RAB6B: variants seen among roughly 807,000 people sequenced by gnomAD.
RAB6B encodes RAB6B, member RAS oncogene family.
RAB6B carries 7 observed loss-of-function variants against 31.2 expected under a neutral mutation model. The observed-to-expected ratio is 0.22, with a 90% CI of 0.13 to 0.42. RAB6B has a LOEUF of 0.42. Ranked by LOEUF, RAB6B falls within the 10% of genes least tolerant of loss-of-function variation. RAB6B has a pLI of 1.00. For missense variants in RAB6B, 149 were observed against 280.6 expected (o/e 0.53, Z 3.35); for synonymous variants, 105 against 104.9 (o/e 1.00, Z -0.01).
chr3:133,833,641 GC>G (rs920353985), intron 7 of RAB6B, among the ~76,000 whole-genome samples: 2 of 152,180 alleles, frequency 1.3e-5, no homozygotes, highest in African/African-American at 4.8e-5. Flanking sequence ...GCCCAAAGGT[GC>G]CCTTCCATCT....
At chr3:133,863,699 CT>C (rs943603961) in intron 2 of RAB6B, among the ~76,000 whole-genome samples, 2 of 152,136 alleles carry the variant, frequency 1.3e-5, no homozygotes, top group Admixed American at 6.5e-5. Flanking sequence ...CCTACCTCAA[CT>C]TTTTTTCAAG....
chr3:133,873,064 C>T (rs1936348000), intron 1 of RAB6B, among the ~76,000 whole-genome samples: 1 of 152,224 alleles, frequency 6.6e-6, no homozygotes, highest in Non-Finnish European at 1.5e-5. Flanking sequence ...ATCCTGCACC[C>T]ACCCCATCTC....
chr3:133,857,019 G>T (rs1936089935), intron 2 of RAB6B, among the ~76,000 whole-genome samples: 1 of 151,980 alleles, frequency 6.6e-6, no homozygotes, highest in African/African-American at 2.4e-5. Context: ...AGTCTATGGG[G>T]TTGAGCATCA....
At chr3:133,866,696 G>A (rs1936241217) in intron 1 of RAB6B, among the ~76,000 whole-genome samples, 1 of 152,246 alleles carries the variant, frequency 6.6e-6, no homozygotes, top group Non-Finnish European at 1.5e-5. Flanking sequence ...ATACCTGGAG[G>A]ATCAGCTCTG....
intron 2 of RAB6B, among the ~76,000 whole-genome samples, chr3:133,842,066 A>G (rs541142384): frequency 3.3e-5 from 5 of 152,196 alleles, no homozygotes; most frequent in Non-Finnish European, 7.4e-5. Context: ...CCTCTGCCCT[A>G]AAGCATGGGC....
intron 1 of RAB6B, among the ~76,000 whole-genome samples, chr3:133,893,334 G>T (rs1936662355): frequency 6.6e-6 from 1 of 152,178 alleles, no homozygotes; most frequent in Non-Finnish European, 1.5e-5. Context: ...ACTCACAATG[G>T]GACTCTGGGA....
intron 2 of RAB6B, among the ~76,000 whole-genome samples, chr3:133,860,879 T>C (rs747276614): frequency 3.3e-5 from 5 of 152,248 alleles, no homozygotes; most frequent in Non-Finnish European, 7.3e-5. Flanking sequence ...CCAGTGGCTC[T>C]AAGTGCATCA....
intron 4 of RAB6B, among the ~76,000 whole-genome samples, chr3:133,840,157 C>A (rs1935803211): frequency 6.6e-6 from 1 of 152,052 alleles, no homozygotes; most frequent in Admixed American, 6.5e-5. Context: ...CTGAAGAGAA[C>A]CCTCAGGCTC....
chr3:133,848,519 G>A lies in RAB6B; in HGVS notation c.130-6856C>T, dbSNP rs115376984. Among the ~76,000 whole-genome samples, 1,110 of 152,278 alleles carry A rather than the reference G, an allele frequency of 7.3e-3. 13 individuals carry two copies. Among genetic ancestry groups the A allele is most frequent in the African/African-American group, 0.025 (1,056 of 41,552 alleles). On this transcript the variant is annotated intron_variant, in intron 2 of 7. Transcript: ENST00000285208. Reference sequence around the variant, plus strand: ...CAGACTGGATAATTTACTTTAAAAAGAAATTTACTTATCACAATTCTGGAA... The same window carrying A: ...CAGACTGGATAATTTACTTTAAAAAAAAATTTACTTATCACAATTCTGGAA...
At chr3:133,880,015 C>T (rs542489599) in intron 1 of RAB6B, among the ~76,000 whole-genome samples, 1 of 152,318 alleles carries the variant, frequency 6.6e-6, no homozygotes, top group South Asian at 2.1e-4. Flanking sequence ...AGACCCTACA[C>T]AGGCCAATCC....
At position 133,827,575 on chromosome 3, in the gene RAB6B, C is replaced by T. The variant is rs1351607783; in HGVS notation, c.*1213G>A. The T allele has an allele frequency of 6.3e-6, 2 of 317,602 alleles. No individual in the cohort carries two copies. The highest frequency in any genetic ancestry group is 1.2e-5 in the Non-Finnish European group (2 of 171,330). 19.7% of individuals were successfully genotyped at this position (317,602 alleles called of 1,614,324 possible). A position where few individuals can be genotyped will look rare whatever the true frequency, so the allele number is the denominator to read the frequency against. ...CACCTGAACCACATCCTCAGGTGAC[C>T]ACAGCGCAGCCACAGTAGCCACAAA... On this transcript the variant is annotated 3_prime_UTR_variant, in exon 8 of 8. Coordinates refer to ENST00000285208, the MANE Select transcript of RAB6B (RefSeq NM_016577.4).
intron 1 of RAB6B, among the ~76,000 whole-genome samples, chr3:133,874,744 T>G (rs1241562667): frequency 6.6e-6 from 1 of 152,250 alleles, no homozygotes; most frequent in Non-Finnish European, 1.5e-5. Context: ...ATACATACAC[T>G]GTACAGCTAT....
intron 2 of RAB6B, among the ~76,000 whole-genome samples, chr3:133,850,193 G>C (rs186918121): frequency 1.3e-5 from 2 of 151,958 alleles, no homozygotes; most frequent in Admixed American, 6.6e-5. Context: ...TGCCTACCAC[G>C]GGGGGGAGAA....
chr3:133,836,201 T>C (rs1935732040), intron 6 of RAB6B, among the ~76,000 whole-genome samples: 2 of 152,186 alleles, frequency 1.3e-5, no homozygotes, highest in African/African-American at 4.8e-5. Context: ...TGTGAGACCC[T>C]TGTGGGCGGG....
At chr3:133,837,438 G>A (rs1238240456) in intron 6 of RAB6B, among the ~76,000 whole-genome samples, 3 of 152,196 alleles carry the variant, frequency 2.0e-5, no homozygotes, top group Non-Finnish European at 2.9e-5. Flanking sequence ...GAGGTGATGG[G>A]AAGGCATCTG....
intron 3 of RAB6B, 61 bp from the exon 4 acceptor site, chr3:133,841,451 G>A (rs758183264): frequency 1.0e-4 from 164 of 1,576,848 alleles, no homozygotes; most frequent in Non-Finnish European, 1.4e-4. Flanking sequence ...GGTCCTCCTG[G>A]TCCGGGGGAC....
intron 1 of RAB6B, among the ~76,000 whole-genome samples, chr3:133,881,084 G>A (rs1219974381): frequency 6.6e-6 from 1 of 152,176 alleles, no homozygotes; most frequent in African/African-American, 2.4e-5. Flanking sequence ...GCCAGGCTGG[G>A]GGGTGGATCA....
At chr3:133,894,104 A>G (rs892861160) in intron 1 of RAB6B, among the ~76,000 whole-genome samples, 1 of 152,250 alleles carries the variant, frequency 6.6e-6, no homozygotes, top group Non-Finnish European at 1.5e-5. Flanking sequence ...ACAGCACAGT[A>G]GCACTGTTCC....
intron 1 of RAB6B, among the ~76,000 whole-genome samples, chr3:133,878,671 A>G (rs1936428357): frequency 6.6e-6 from 1 of 152,248 alleles, no homozygotes; most frequent in South Asian, 2.1e-4. Context: ...TTTAAAAGAT[A>G]ATTGACTATT....
Sources: allele counts gnomAD v4.1 joint callset (sites outside exome capture counted in the v4.1 genomes callset), GRCh38; gene constraint gnomAD v4.1.1; transcripts MANE v1.5; gene names NCBI Gene and HGNC (gene_info 2026-07-23, HGNC 2026-07-21).